Variants in ARMC3 observed in about 807,000 individuals in gnomAD.
ARMC3 encodes the protein armadillo repeat-containing protein 3.
ARMC3 carries 74 observed loss-of-function variants against 90.3 expected under a neutral mutation model. That is an observed-to-expected ratio of 0.82 (90% confidence interval 0.68 to 0.99). The LOEUF is 0.99. ARMC3 is among the 50% of genes least tolerant of loss of function. ARMC3 has a pLI of 0.00. For missense variants in ARMC3, 958 were observed against 1,042.8 expected, an observed-to-expected ratio of 0.92 and a Z score of 1.12; for synonymous variants, 334 against 361.8, an observed-to-expected ratio of 0.92 and a Z score of 0.87.
At chr10:23,011,212 T>C (rs1053508961) in intron 16 of ARMC3, among the ~76,000 whole-genome samples, 9 of 152,122 alleles carry the variant, frequency 5.9e-5, no homozygotes, top group Admixed American at 3.9e-4. Flanking sequence ...CTGGCACTCA[T>C]AGGCATTCAC....
chr10:23,018,735 C>T (rs569622583), intron 16 of ARMC3, among the ~76,000 whole-genome samples: 12 of 152,178 alleles, frequency 7.9e-5, no homozygotes, highest in African/African-American at 2.9e-4. Flanking sequence ...CCAGGATGGT[C>T]TCGATCTTCT....
At chr10:22,982,828 T>A (rs1836253490) in intron 10 of ARMC3, among the ~76,000 whole-genome samples, 1 of 152,218 alleles carries the variant, frequency 6.6e-6, no homozygotes, top group African/African-American at 2.4e-5. Flanking sequence ...TCCCTCTGCC[T>A]CCATCACATA....
chr10:22,964,056 AATAG>A (rs1431564437), intron 7 of ARMC3, among the ~76,000 whole-genome samples: 1 of 152,100 alleles, frequency 6.6e-6, no homozygotes, highest in African/African-American at 2.4e-5. Context: ...AGAACTAATA[AATAG>A]ATCTATCGAG....
intron 2 of ARMC3, among the ~76,000 whole-genome samples, chr10:22,937,726 C>T (rs1834167141): frequency 6.6e-6 from 1 of 152,154 alleles, no homozygotes; most frequent in Admixed American, 6.5e-5. Flanking sequence ...CTGACATCAG[C>T]AAACAGTACA....
intron 2 of ARMC3, among the ~76,000 whole-genome samples, chr10:22,932,646 T>G (rs770576691): frequency 3.9e-5 from 6 of 152,244 alleles, no homozygotes; most frequent in Non-Finnish European, 8.8e-5. Context: ...AAAAATGACC[T>G]TGGACAATTT....
intron 10 of ARMC3, among the ~76,000 whole-genome samples, chr10:22,996,326 A>G (rs1000602686): frequency 6.6e-6 from 1 of 152,198 alleles, no homozygotes; most frequent in Non-Finnish European, 1.5e-5. Flanking sequence ...AATTATCTTA[A>G]GAATGCTTAT....
rs1554787800 is a variant in ARMC3, at chr10:23,024,393, C to CAGATAGATAG, written c.2046-6202_2046-6201insGATAGATAGA. 1.2e-4 allele frequency among the ~76,000 whole-genome samples: 16 copies of CAGATAGATAG among 133,540 alleles called. 1 individual carries two copies. The highest frequency in any genetic ancestry group is 4.0e-4 in the African/African-American group (16 of 39,520). The allele number at this position is 133,540 out of a possible 152,430, so 87.6% of individuals were successfully genotyped here. On this transcript the variant is annotated intron_variant, in intron 16 of 18. Transcript: ENST00000298032. ...GGATTAGGAAGAAAGAGGAATGCCA[C>CAGATAGATAG]ATAGATAGATAGATAGATAGATAGA... is the stretch of plus-strand genomic sequence containing the variant.
intron 8 of ARMC3, among the ~76,000 whole-genome samples, chr10:22,976,141 G>T (rs146838740): frequency 4.5e-4 from 68 of 152,322 alleles, no homozygotes; most frequent in South Asian, 8.3e-4. Context: ...GGTGATATAA[G>T]TTCAGAGCTT....
intron 10 of ARMC3, among the ~76,000 whole-genome samples, chr10:22,990,811 T>A (rs577185983): frequency 8.5e-5 from 13 of 152,218 alleles, no homozygotes; most frequent in Non-Finnish European, 1.6e-4. Flanking sequence ...ATTTCCCTTG[T>A]GCTGAAATTC....
chr10:23,014,192 A>G lies in ARMC3; in HGVS notation c.2045+5261A>G, dbSNP rs1035106530. 1.4e-5 allele frequency: 21 copies of G among 1,547,864 alleles called. No homozygotes were observed. In the Admixed American group the frequency reaches 3.9e-4, roughly 29 times the overall value. ...GAACACAGAGACTTTGGATTCAGAC[A>G]CAACTGGGCCTTGGTCTTCTGAATT... is the stretch of plus-strand genomic sequence containing the variant. On this transcript the variant is annotated intron_variant, in intron 16 of 18. Coordinates refer to ENST00000298032, the MANE Select transcript of ARMC3 (RefSeq NM_173081.5).
chr10:23,006,814 C>A, intron 13 of ARMC3, 70 bp from the exon 14 acceptor site: 6 of 1,218,474 alleles, frequency 4.9e-6, no homozygotes, highest in Admixed American at 1.7e-5. Flanking sequence ...AGAATATATT[C>A]TATCTGTATT....
chr10:22,984,881 G>GTT (rs370595437), intron 10 of ARMC3, among the ~76,000 whole-genome samples: 2 of 146,010 alleles, frequency 1.4e-5, no homozygotes, highest in African/African-American at 5.0e-5. Flanking sequence ...TCAACCTTCT[G>GTT]TTTTTTTTTT....
intron 3 of ARMC3, among the ~76,000 whole-genome samples, chr10:22,948,015 T>A (rs1003765471): frequency 9.8e-5 from 15 of 152,316 alleles, no homozygotes; most frequent in East Asian, 7.7e-4. Flanking sequence ...TGGTTTTTTT[T>A]AATAAACCAT....
rs1356730124 is a variant in ARMC3, at chr10:22,968,494, G to A, written c.916+5G>A. ...TTACTAAAGCAGCTTATGATCGTATGTCTCATTTTATTTTATTTATTTTGA... is the reference window on the plus strand; with the variant it reads ...TTACTAAAGCAGCTTATGATCGTATATCTCATTTTATTTTATTTATTTTGA... On this transcript the variant is annotated splice_donor_5th_base_variant and intron_variant, in intron 8 of 18. Coordinates refer to ENST00000298032, the MANE Select transcript of ARMC3 (RefSeq NM_173081.5). 6.4e-7 allele frequency: 1 copy of A among 1,560,224 alleles called. No homozygotes were observed.
At chr10:23,011,285 C>T (rs10764371) in intron 16 of ARMC3, among the ~76,000 whole-genome samples, 90,296 of 152,030 alleles carry the variant, frequency 0.59, 28,846 homozygotes, top group Non-Finnish European at 0.72. Context: ...ACAAGTTCCA[C>T]ACTTATAAAT....
chr10:22,977,405 G>A (rs1302645949), intron 8 of ARMC3, among the ~76,000 whole-genome samples: 1 of 152,062 alleles, frequency 6.6e-6, no homozygotes, highest in African/African-American at 2.4e-5. Flanking sequence ...GCCCTCATTG[G>A]AATACCAAGC....
At chr10:23,010,882 T>TGCCTC in intron 16 of ARMC3, among the ~76,000 whole-genome samples, 2 of 19,774 alleles carry the variant, frequency 1.0e-4, no homozygotes, top group African/African-American at 2.0e-4. Context: ...CTCCTTCCCT[T>TGCCTC]TCCCTCCCAC....
intron 4 of ARMC3, among the ~76,000 whole-genome samples, chr10:22,957,390 G>C (rs1249853283): frequency 6.6e-6 from 1 of 152,202 alleles, no homozygotes; most frequent in African/African-American, 2.4e-5. Context: ...TGCAGTGCTG[G>C]AAGCAGATGG....
chr10:22,998,757 A>C (rs1837139535), intron 11 of ARMC3, among the ~76,000 whole-genome samples: 1 of 152,248 alleles, frequency 6.6e-6, no homozygotes, highest in Admixed American at 6.5e-5. Flanking sequence ...ATAGAATCTC[A>C]TGTCAGTGAA....
Sources: gnomAD v4.1 joint callset for allele counts (sites outside exome capture counted in the v4.1 genomes callset) on GRCh38, gnomAD v4.1.1 for gene constraint, MANE v1.5 for transcripts, NCBI Gene and HGNC (gene_info 2026-07-23, HGNC 2026-07-21) for gene names.